PTPRN2: variants seen among roughly 807,000 people sequenced by gnomAD.
PTPRN2 encodes receptor-type tyrosine-protein phosphatase N2.
Under a neutral mutation model 118.8 loss-of-function variants are expected in PTPRN2, and 74 were observed. That is an observed-to-expected ratio of 0.62 (90% CI 0.52 to 0.76). PTPRN2 has a LOEUF of 0.76. PTPRN2 is among the 30% of genes least tolerant of loss of function. PTPRN2 has a pLI of 0.00. For missense variants in PTPRN2, 1,481 were observed against 1,394.4 expected (o/e 1.06, Z -0.99); for synonymous variants, 641 against 608.0 (o/e 1.05, Z -0.80).
chr7:158,249,495 C>T (rs1050921852), intron 3 of PTPRN2, among the ~76,000 whole-genome samples: 52 of 147,564 alleles, frequency 3.5e-4, no homozygotes, highest in Non-Finnish European at 6.4e-4. Flanking sequence ...CACACACACC[C>T]TGCATGCACA....
intron 1 of PTPRN2, among the ~76,000 whole-genome samples, chr7:158,534,666 C>T (rs1825532829): frequency 6.6e-6 from 1 of 152,212 alleles, no homozygotes; most frequent in Non-Finnish European, 1.5e-5. Context: ...CTCTGCGAAG[C>T]TCCCCCCATC....
intron 11 of PTPRN2, among the ~76,000 whole-genome samples, chr7:157,982,080 C>A (rs911628544): frequency 6.9e-6 from 1 of 145,616 alleles, no homozygotes; most frequent in Non-Finnish European, 1.5e-5. Context: ...ATGCAGAGTG[C>A]AGGGTCCCCT....
In PTPRN2 at chr7:157,622,322, C is replaced by CA. The variant is rs927483122; in HGVS notation, c.2197-814dup. 1.3e-5 allele frequency among the ~76,000 whole-genome samples: 2 copies of CA among 151,970 alleles called. No homozygotes were observed. On this transcript the variant is annotated intron_variant, in intron 14 of 22. Transcript: ENST00000389418. This position sits in a 1 kb window ranked among gnomAD's most constrained non-coding sequence, Gnocchi z 5.3. The stretch of plus-strand genomic sequence containing the variant: ...TAGACACAGGTTCCAAGTGTGTCCA[C>CA]ACGAGAAAATAAAGCATGCATGTGT...
intron 12 of PTPRN2, among the ~76,000 whole-genome samples, chr7:157,867,291 C>T (rs1459977167): frequency 1.8e-5 from 1 of 54,202 alleles, no homozygotes; most frequent in African/African-American, 1.0e-4. Context: ...GCCACCACCC[C>T]GTCCCTGACG....
In PTPRN2 at chr7:158,171,344, TATATAC is replaced by T. The variant is rs1390940506; in HGVS notation, c.550-4059_550-4054del. Among the ~76,000 whole-genome samples the T allele has an allele frequency of 9.0e-5, 11 of 122,294 alleles. 1 individual carries two copies. Among genetic ancestry groups the T allele is most frequent in the African/African-American group, 3.3e-4 (9 of 27,390 alleles). The allele number at this position is 122,294 out of a possible 152,430, so 80.2% of individuals were successfully genotyped here. ...ATATATATATATATATATATATATA[TATATAC>T]ACACACACATTTTTTTAAGACATAG... On this transcript the variant is annotated intron_variant, in intron 5 of 22. Coordinates refer to ENST00000389418, the MANE Select transcript of PTPRN2 (RefSeq NM_002847.5).
Position 158,557,538 on chromosome 7 carries a change from G to A in PTPRN2, c.112+30020C>T, listed in dbSNP as rs373257611. On this transcript the variant is annotated intron_variant, in intron 1 of 22. Transcript: ENST00000389418. ...CAGCCAGTCCACAAAGGTCACGGCC[G>A]CCGCTCCGCTCAACCCGTGGCTGGC... Among the ~76,000 whole-genome samples, 937 of 152,368 alleles carry A rather than the reference G, an allele frequency of 6.1e-3. 10 individuals are homozygous for A. The highest frequency in any genetic ancestry group is 0.021 in the African/African-American group (874 of 41,592).
At chr7:157,722,590 A>G (rs1289018744) in intron 12 of PTPRN2, among the ~76,000 whole-genome samples, 2 of 152,208 alleles carry the variant, frequency 1.3e-5, no homozygotes, top group African/African-American at 4.8e-5. Context: ...TGACGCCAGA[A>G]GCAACTCCTG....
In PTPRN2 at chr7:157,813,119, C is replaced by T. The variant is rs375177661; in HGVS notation, c.1788+85554G>A. The stretch of plus-strand genomic sequence containing the variant: ...AGACCTGTGCCGTGCTAAAACCACA[C>T]GCATGGCAGCCTCCCCCAAGCCAAC... On this transcript the variant is annotated intron_variant, in intron 12 of 22. Coordinates refer to ENST00000389418, the MANE Select transcript of PTPRN2 (RefSeq NM_002847.5). This position sits in a 1 kb window ranked among gnomAD's most constrained non-coding sequence, Gnocchi z 4.7. 2.6e-5 allele frequency among the ~76,000 whole-genome samples: 4 copies of T among 152,270 alleles called. No individual in the cohort carries two copies. Among genetic ancestry groups the T allele is most frequent in the South Asian group, 2.1e-4 (1 of 4,826 alleles).
chr7:158,313,585 C>A (rs571737040), intron 3 of PTPRN2, among the ~76,000 whole-genome samples: 1 of 152,058 alleles, frequency 6.6e-6, no homozygotes, highest in South Asian at 2.1e-4. Flanking sequence ...TACGACCCCC[C>A]ATCTCCACAT....
intron 3 of PTPRN2, among the ~76,000 whole-genome samples, chr7:158,208,437 G>A (rs1331347031): frequency 2.0e-5 from 3 of 152,150 alleles, no homozygotes; most frequent in East Asian, 3.8e-4. Context: ...ATACAATGGA[G>A]CTGCAGTACA....
intron 12 of PTPRN2, among the ~76,000 whole-genome samples, chr7:157,770,004 C>T (rs1016242366): frequency 4.6e-5 from 7 of 152,244 alleles, no homozygotes; most frequent in Non-Finnish European, 7.3e-5. Context: ...ACCGCATCCA[C>T]GCTTGGCCCC....
At chr7:157,815,668 G>A (rs1320661902) in intron 12 of PTPRN2, among the ~76,000 whole-genome samples, 1 of 152,210 alleles carries the variant, frequency 6.6e-6, no homozygotes, top group Non-Finnish European at 1.5e-5. Context: ...CATGGGGGTC[G>A]ACGTGAAGGA....
At chr7:158,547,430 C>A (rs540849846) in intron 1 of PTPRN2, among the ~76,000 whole-genome samples, 1 of 152,166 alleles carries the variant, frequency 6.6e-6, no homozygotes, top group Admixed American at 6.5e-5. Context: ...TACTTTCTGT[C>A]GCTGACTCTG....
chr7:158,093,088 C>T lies in PTPRN2; in HGVS notation c.1644-11711G>A, dbSNP rs899014071. Among the ~76,000 whole-genome samples, 8 of 152,212 alleles carry T rather than the reference C, an allele frequency of 5.3e-5. No homozygotes were observed. The highest frequency in any genetic ancestry group is 1.2e-4 in the Non-Finnish European group (8 of 68,040). ...TTGGCTGAGAGCCTTCTGCGAGGCACGAGTATAAGTGTGAGACCCACACGC... is the reference window on the plus strand; with the variant it reads ...TTGGCTGAGAGCCTTCTGCGAGGCATGAGTATAAGTGTGAGACCCACACGC... On this transcript the variant is annotated intron_variant, in intron 10 of 22. Coordinates refer to ENST00000389418, the MANE Select transcript of PTPRN2 (RefSeq NM_002847.5). This position sits in a 1 kb window ranked among gnomAD's most constrained non-coding sequence, Gnocchi z 4.4.
chr7:157,854,094 G>C (rs1809498471), intron 12 of PTPRN2, among the ~76,000 whole-genome samples: 1 of 152,204 alleles, frequency 6.6e-6, no homozygotes, highest in African/African-American at 2.4e-5. Flanking sequence ...TCTGCGGTTT[G>C]CGCCGCCCCG....
chr7:158,040,703 G>A (rs1345330941), intron 11 of PTPRN2, among the ~76,000 whole-genome samples: 1 of 150,968 alleles, frequency 6.6e-6, no homozygotes, highest in East Asian at 1.9e-4. Flanking sequence ...AAAGGAATTT[G>A]TCAGCAGTTG....
chr7:157,682,980 CA>C, intron 12 of PTPRN2, 43 bp from the exon 13 acceptor site: 1 of 1,492,258 alleles, frequency 6.7e-7, no homozygotes, highest in African/African-American at 1.4e-5. Flanking sequence ...CCTGACAAAG[CA>C]TGACCTCCTA....
intron 12 of PTPRN2, among the ~76,000 whole-genome samples, chr7:157,880,987 G>A (rs1045706489): frequency 3.3e-5 from 5 of 152,216 alleles, no homozygotes; most frequent in Non-Finnish European, 7.3e-5. Context: ...TCTCCAAAGT[G>A]CCTATGGGAA....
chr7:157,985,332 G>A (rs368817438), intron 11 of PTPRN2, among the ~76,000 whole-genome samples: 2 of 152,202 alleles, frequency 1.3e-5, no homozygotes, highest in South Asian at 4.1e-4. Flanking sequence ...TCCATCTTGC[G>A]AGTTTAGCAT....
Sources: gnomAD v4.1 joint callset for allele counts (sites outside exome capture counted in the v4.1 genomes callset) on GRCh38, gnomAD v4.1.1 for gene constraint, Gnocchi (gnomAD v3.1) non-coding constraint, MANE v1.5 for transcripts, NCBI Gene and HGNC (gene_info 2026-07-23, HGNC 2026-07-21) for gene names.